Variants in GNA14 observed in about 807,000 individuals in gnomAD.
GNA14 encodes guanine nucleotide-binding protein subunit alpha-14.
Under a neutral mutation model 42.0 loss-of-function variants are expected in GNA14, and 50 were observed. That is an observed-to-expected ratio of 1.19 (90% CI 0.95 to 1.51). The LOEUF is 1.51. Ranked by LOEUF, GNA14 falls within the 40% of genes most tolerant of loss-of-function variation. The probability of loss-of-function intolerance (pLI) is 0.00; values close to 1 mark genes in which losing one functional copy is unlikely to be tolerated. For missense variants in GNA14, 473 were observed against 446.2 expected (o/e 1.06, Z -0.54); for synonymous variants, 173 against 163.1 (o/e 1.06, Z -0.46).
chr9:77,518,962 T>C (rs578008825), intron 2 of GNA14, among the ~76,000 whole-genome samples: 48 of 152,334 alleles, frequency 3.2e-4, no homozygotes, highest in African/African-American at 1.0e-3. Flanking sequence ...TGACAGGGTT[T>C]TGGTGTCAGA....
chr9:77,629,868 TAA>T (rs973305462), intron 1 of GNA14, among the ~76,000 whole-genome samples: 8 of 152,118 alleles, frequency 5.3e-5, no homozygotes, highest in Non-Finnish European at 1.0e-4. Flanking sequence ...TCCCAGAACT[TAA>T]AGTATAAAAA....
At chr9:77,617,610 CATCAA>C (rs894773074) in intron 1 of GNA14, among the ~76,000 whole-genome samples, 8 of 152,020 alleles carry the variant, frequency 5.3e-5, no homozygotes, top group African/African-American at 1.7e-4. Flanking sequence ...TTAAAAAGAC[CATCAA>C]ATCACTTCTC....
At chr9:77,581,865 C>T (rs1473006900) in intron 1 of GNA14, among the ~76,000 whole-genome samples, 10 of 152,136 alleles carry the variant, frequency 6.6e-5, no homozygotes, top group Admixed American at 2.6e-4. Context: ...ACAGGGAGGA[C>T]GGGCCAAGCT....
chr9:77,531,354 G>A (rs1227668228), intron 1 of GNA14, among the ~76,000 whole-genome samples: 2 of 152,106 alleles, frequency 1.3e-5, no homozygotes, highest in East Asian at 1.9e-4. Context: ...GTGCCCCTGG[G>A]AGCCACCATT....
intron 1 of GNA14, among the ~76,000 whole-genome samples, chr9:77,632,054 C>T (rs1293113140): frequency 6.6e-6 from 1 of 152,208 alleles, no homozygotes; most frequent in East Asian, 1.9e-4. Context: ...GCTGCCAAAA[C>T]CACAGCTGCA....
At chr9:77,605,153 C>T (rs1224224921) in intron 1 of GNA14, among the ~76,000 whole-genome samples, 2 of 152,106 alleles carry the variant, frequency 1.3e-5, no homozygotes, top group African/African-American at 4.8e-5. Context: ...TCTATAAATC[C>T]AGCTGAGCTA....
chr9:77,626,508 T>C (rs1187542783), intron 1 of GNA14, among the ~76,000 whole-genome samples: 1 of 152,016 alleles, frequency 6.6e-6, no homozygotes, highest in Non-Finnish European at 1.5e-5. Context: ...CCTCAGCAAA[T>C]GCAAAAGAAC....
rs371386271 is a variant in GNA14 at position 77,536,910 on chromosome 9, T to G, written c.125-7657A>C. 2.0e-5 allele frequency among the ~76,000 whole-genome samples: 3 copies of G among 152,216 alleles called. No homozygotes were observed. In the East Asian group the frequency reaches 5.8e-4, roughly 29 times the overall value. On this transcript the variant is annotated intron_variant, in intron 1 of 6. Coordinates refer to ENST00000341700, the MANE Select transcript of GNA14 (RefSeq NM_004297.4). ...GATATCAAAAATAATATATTTCTCC[T>G]ATTTGCCATATGTGCATTTTTTTTT...
intron 1 of GNA14, among the ~76,000 whole-genome samples, chr9:77,558,327 T>C (rs1454819905): frequency 6.6e-6 from 1 of 151,998 alleles, no homozygotes; most frequent in Non-Finnish European, 1.5e-5. Flanking sequence ...GATAAGCAAA[T>C]ATGGCAAAAT....
rs568431486 is a variant in GNA14 at position 77,629,136 on chromosome 9, C to A, written c.124+18534G>T. ...AACAAACATGTGAAAAAAAGCTCAT[C>A]ACCACTGGTCATTAGAGAAATGCAA... On this transcript the variant is annotated intron_variant, in intron 1 of 6. Transcript: ENST00000341700. 5.3e-5 allele frequency among the ~76,000 whole-genome samples: 8 copies of A among 152,322 alleles called. No individual in the cohort carries two copies. In the South Asian group the frequency reaches 1.7e-3, roughly 32 times the overall value.
chr9:77,464,877 G>C (rs1437258976), intron 2 of GNA14, among the ~76,000 whole-genome samples: 1 of 152,138 alleles, frequency 6.6e-6, no homozygotes, highest in Non-Finnish European at 1.5e-5. Flanking sequence ...TAAGAAGAGG[G>C]AAACTTGGAC....
At chr9:77,535,408 G>A (rs886167401) in intron 1 of GNA14, among the ~76,000 whole-genome samples, 1 of 152,174 alleles carries the variant, frequency 6.6e-6, no homozygotes, top group African/African-American at 2.4e-5. Context: ...GCCGGGTGTG[G>A]TGGCGGGCGC....
chr9:77,423,491 T>A lies in GNA14; in HGVS notation c.*488A>T, dbSNP rs1181868662. ...ATGTTAAAGGAGTCACCCTTCAGCATGAGGTGAGAAACACAATTAAAAATG... is the reference window on the plus strand; with the variant it reads ...ATGTTAAAGGAGTCACCCTTCAGCAAGAGGTGAGAAACACAATTAAAAATG... On this transcript the variant is annotated 3_prime_UTR_variant, in exon 7 of 7. Coordinates refer to ENST00000341700, the MANE Select transcript of GNA14 (RefSeq NM_004297.4). The A allele has an allele frequency of 1.3e-5, 2 of 152,146 alleles. No homozygotes were observed. The highest frequency in any genetic ancestry group is 2.1e-4 in the South Asian group (1 of 4,830). The allele number at this position is 152,146 out of a possible 1,614,324, so 9.4% of individuals were successfully genotyped here. A position where few individuals can be genotyped will look rare whatever the true frequency, so the allele number is the denominator to read the frequency against.
intron 1 of GNA14, among the ~76,000 whole-genome samples, chr9:77,546,471 C>T (rs759752695): frequency 1.1e-4 from 16 of 152,010 alleles, no homozygotes; most frequent in African/African-American, 2.2e-4. Flanking sequence ...TCTTTTCTGG[C>T]GCACAGCTGT....
intron 1 of GNA14, among the ~76,000 whole-genome samples, chr9:77,609,781 C>T (rs186082227): frequency 5.9e-5 from 9 of 152,278 alleles, no homozygotes; most frequent in Admixed American, 4.6e-4. Flanking sequence ...GCATGCTGAG[C>T]GCTTTGAACA....
chr9:77,595,825 C>T (rs773623356), intron 1 of GNA14, among the ~76,000 whole-genome samples: 13 of 152,110 alleles, frequency 8.5e-5, no homozygotes, highest in Non-Finnish European at 1.8e-4. Context: ...AAGACGCACT[C>T]AAGGCAGTTA....
intron 2 of GNA14, among the ~76,000 whole-genome samples, chr9:77,487,693 A>T (rs1279074791): frequency 6.6e-6 from 1 of 152,220 alleles, no homozygotes; most frequent in African/African-American, 2.4e-5. Context: ...TCACAGCTGA[A>T]AACTAGGATG....
chr9:77,601,788 G>A (rs1587844250), intron 1 of GNA14, among the ~76,000 whole-genome samples: 1 of 152,206 alleles, frequency 6.6e-6, no homozygotes, highest in East Asian at 1.9e-4. Flanking sequence ...ACTGGTGCCG[G>A]GCTCTTAGTT....
chr9:77,535,808 C>T (rs1018569693), intron 1 of GNA14, among the ~76,000 whole-genome samples: 2 of 151,902 alleles, frequency 1.3e-5, no homozygotes, highest in Non-Finnish European at 2.9e-5. Flanking sequence ...TCTCTGGGGC[C>T]CTTCAAAGGG....
Sources: allele counts gnomAD v4.1 joint callset (sites outside exome capture counted in the v4.1 genomes callset), GRCh38; gene constraint gnomAD v4.1.1; transcripts MANE v1.5; gene names NCBI Gene and HGNC (gene_info 2026-07-23, HGNC 2026-07-21).